The following ASIC2 variants were observed in gnomAD, a reference collection of about 807,000 sequenced individuals.
ASIC2 encodes acid-sensing ion channel 2.
A neutral mutation model predicts 57.3 loss-of-function variants in ASIC2; 25 were observed. The ratio of observed to expected loss-of-function variants is 0.44; its 90% confidence interval spans 0.32 to 0.61. The LOEUF (loss-of-function observed/expected upper bound fraction) is 0.61, where lower values mean the gene tolerates loss of function less well. Among genes scored for constraint, ASIC2 ranks in the 20% least tolerant of loss-of-function variants. The pLI is 0.06. For missense variants in ASIC2, 641 were observed against 738.1 expected (o/e 0.87, Z 1.52); for synonymous variants, 319 against 307.5 (o/e 1.04, Z -0.39).
At chr17:33,203,568 C>A (rs1335843402) in intron 1 of ASIC2, among the ~76,000 whole-genome samples, 1 of 152,176 alleles carries the variant, frequency 6.6e-6, no homozygotes, top group Admixed American at 6.5e-5. Flanking sequence ...CTCTGCCCGC[C>A]TTTTTATTCC....
intron 1 of ASIC2, among the ~76,000 whole-genome samples, chr17:33,392,688 T>A (rs1407092589): frequency 6.6e-6 from 1 of 152,128 alleles, no homozygotes; most frequent in Non-Finnish European, 1.5e-5. Context: ...GAGCTTGAAA[T>A]TTGCCTCACT....
At chr17:33,222,580 G>T (rs1396667238) in intron 1 of ASIC2, among the ~76,000 whole-genome samples, 1 of 152,136 alleles carries the variant, frequency 6.6e-6, no homozygotes, top group Non-Finnish European at 1.5e-5. Flanking sequence ...TCTCAATAAA[G>T]CTTCCTTAAA....
intron 1 of ASIC2, among the ~76,000 whole-genome samples, chr17:34,088,440 A>C (rs901820783): frequency 1.3e-5 from 2 of 152,182 alleles, no homozygotes; most frequent in African/African-American, 4.8e-5. Flanking sequence ...GTGAAGTGTC[A>C]GTCTGCCCCT....
rs530595403 is a variant in ASIC2, at chr17:33,588,395, A to G, written c.556-476328T>C. ...CTCATCTGTTTGATGAAAGAGTTGG[A>G]TTCAGTGATCTTTGAGGGCCCTTTC... is the stretch of plus-strand genomic sequence containing the variant. On this transcript the variant is annotated intron_variant, in intron 1 of 9. Coordinates refer to the ASIC2 transcript ENST00000359872. Among the ~76,000 whole-genome samples the G allele has an allele frequency of 1.5e-3, 231 of 152,262 alleles. 1 individual carries two copies. The highest frequency in any genetic ancestry group is 5.5e-3 in the African/African-American group (227 of 41,544).
chr17:33,357,637 T>C (rs1034271327), intron 1 of ASIC2, among the ~76,000 whole-genome samples: 1 of 152,120 alleles, frequency 6.6e-6, no homozygotes, highest in African/African-American at 2.4e-5. Flanking sequence ...GCCTGGTCCA[T>C]ATAAATCTCC....
chr17:33,935,892 A>C (rs1157615218), intron 1 of ASIC2: 1 of 152,204 alleles, frequency 6.6e-6, no homozygotes, highest in Non-Finnish European at 1.5e-5. Flanking sequence ...TTTCAGTATC[A>C]ACTCAAAGTT....
At chr17:33,097,669 A>G (rs962496657) in intron 2 of ASIC2, among the ~76,000 whole-genome samples, 1 of 152,220 alleles carries the variant, frequency 6.6e-6, no homozygotes, top group Admixed American at 6.5e-5. Context: ...ACAAGCTGAT[A>G]AAGTTCCAAG....
intron 1 of ASIC2, among the ~76,000 whole-genome samples, chr17:33,549,472 C>T (rs1597780120): frequency 6.6e-6 from 1 of 152,234 alleles, no homozygotes; most frequent in East Asian, 1.9e-4. Flanking sequence ...GGGGTCATCA[C>T]TTTAAAAACT....
intron 1 of ASIC2, among the ~76,000 whole-genome samples, chr17:33,960,241 G>C (rs1244202142): frequency 6.6e-6 from 1 of 152,200 alleles, no homozygotes; most frequent in African/African-American, 2.4e-5. Context: ...CTCATGAGCA[G>C]AGCCTGAGAA....
intron 1 of ASIC2, among the ~76,000 whole-genome samples, chr17:33,765,898 C>T (rs1328188512): frequency 6.6e-6 from 1 of 152,192 alleles, no homozygotes; most frequent in Non-Finnish European, 1.5e-5. Flanking sequence ...ATGTATTCCC[C>T]ATGCAGTATC....
intron 1 of ASIC2, among the ~76,000 whole-genome samples, chr17:34,128,381 T>A (rs1295108213): frequency 6.7e-6 from 1 of 148,908 alleles, no homozygotes; most frequent in African/African-American, 2.5e-5. Context: ...TTGTAATGCA[T>A]CAAGGGAACC....
chr17:33,323,949 G>A (rs1279432786), intron 1 of ASIC2, among the ~76,000 whole-genome samples: 75 of 151,790 alleles, frequency 4.9e-4, no homozygotes, highest in Admixed American at 4.9e-3. Context: ...ACATGAAGGT[G>A]TTCACTTGGT....
chr17:33,793,081 G>A (rs1354747862), intron 1 of ASIC2, among the ~76,000 whole-genome samples: 1 of 152,184 alleles, frequency 6.6e-6, no homozygotes, highest in East Asian at 1.9e-4. Flanking sequence ...AACCCTGTGT[G>A]GAAAGAATGA....
intron 1 of ASIC2, among the ~76,000 whole-genome samples, chr17:33,612,126 C>CA (rs1567669028): frequency 2.6e-5 from 4 of 152,182 alleles, no homozygotes; most frequent in Admixed American, 1.3e-4. Flanking sequence ...TTCAGGCCTT[C>CA]AATGGATTAA....
chr17:33,667,343 T>C (rs1236220071), intron 1 of ASIC2, among the ~76,000 whole-genome samples: 2 of 152,212 alleles, frequency 1.3e-5, no homozygotes, highest in East Asian at 3.8e-4. Context: ...CGTGCACATG[T>C]GCTTTGTGGT....
At chr17:33,786,758 A>G (rs1209069277) in intron 1 of ASIC2, among the ~76,000 whole-genome samples, 2 of 152,152 alleles carry the variant, frequency 1.3e-5, no homozygotes, top group African/African-American at 4.8e-5. Context: ...AGGGTTGGGA[A>G]GCAGGCAGTG....
intron 1 of ASIC2, among the ~76,000 whole-genome samples, chr17:34,020,196 A>T (rs185547936): frequency 3.3e-5 from 5 of 152,308 alleles, no homozygotes; most frequent in Admixed American, 2.0e-4. Context: ...TTATCAGTGT[A>T]TTTTGCCCTG....
intron 9 of ASIC2, among the ~76,000 whole-genome samples, chr17:33,015,637 A>G (rs1304403097): frequency 1.3e-5 from 2 of 152,186 alleles, no homozygotes; most frequent in Non-Finnish European, 2.9e-5. Context: ...GGAATAAGGG[A>G]GTAGATGTAC....
intron 1 of ASIC2, among the ~76,000 whole-genome samples, chr17:34,149,012 G>A (rs893531321): frequency 2.6e-5 from 4 of 152,042 alleles, no homozygotes; most frequent in Admixed American, 1.3e-4. Flanking sequence ...CTGAATAGGA[G>A]TACTCCCAAA....
Sources: gnomAD v4.1 joint callset for allele counts (sites outside exome capture counted in the v4.1 genomes callset) on GRCh38, gnomAD v4.1.1 for gene constraint, MANE v1.5 for transcripts, NCBI Gene and HGNC (gene_info 2026-07-23, HGNC 2026-07-21) for gene names.